CHD8: variants seen among roughly 807,000 people sequenced by gnomAD.
CHD8 encodes chromodomain helicase DNA binding protein 8, also known as ATP-dependent chromatin remodeler CHD8.
Under a neutral mutation model 279.2 loss-of-function variants are expected in CHD8, and 31 were observed. The ratio of observed to expected loss-of-function variants is 0.11; its 90% CI spans 0.08 to 0.15. The LOEUF is 0.15. Among genes scored for constraint, CHD8 ranks in the 10% least tolerant of loss-of-function variants. The pLI, the probability that CHD8 is intolerant of heterozygous loss-of-function variation, is 1.00. For synonymous variants in CHD8, 1,081 were observed against 1,139.6 expected (o/e 0.95, Z 1.04); for missense variants, 2,146 against 3,230.5 (o/e 0.66, Z 8.14).
At chr14:21,410,972 T>C (rs1888468242) in intron 10 of CHD8, among the ~76,000 whole-genome samples, 2 of 152,212 alleles carry the variant, frequency 1.3e-5, no homozygotes, top group South Asian at 2.1e-4. Context: ...TAATATAAAA[T>C]GGATGACAAA....
At chr14:21,411,681 T>C (rs1888498396) in intron 10 of CHD8, among the ~76,000 whole-genome samples, 1 of 151,928 alleles carries the variant, frequency 6.6e-6, no homozygotes, top group Non-Finnish European at 1.5e-5. Context: ...TCTAAGAAAA[T>C]GATGGTTTAT....
At chr14:21,447,183 T>C (rs192549003) in intron 1 of CHD8, among the ~76,000 whole-genome samples, 2 of 152,326 alleles carry the variant, frequency 1.3e-5, no homozygotes, top group Non-Finnish European at 2.9e-5. Context: ...TTAGTAGCTG[T>C]AGCAGACACA....
At chr14:21,386,606 G>C (rs1042759567) in intron 37 of CHD8, among the ~76,000 whole-genome samples, 1 of 152,332 alleles carries the variant, frequency 6.6e-6, no homozygotes, top group Non-Finnish European at 1.5e-5. Context: ...GGGAGGCCGA[G>C]GCGGGGGAAT....
intron 7 of CHD8, 22 bp downstream of exon 7, chr14:21,415,552 A>G: frequency 8.6e-7 from 1 of 1,161,646 alleles, no homozygotes; most frequent in Non-Finnish European, 1.1e-6. Flanking sequence ...TAAAAATAAT[A>G]ATAATAATAA....
At chr14:21,398,106 C>T (rs1354588881) in intron 26 of CHD8, 154 bp from the exon 27 acceptor site, 1 of 608,474 alleles carries the variant, frequency 1.6e-6, no homozygotes, top group African/African-American at 1.9e-5. Context: ...GGGTTTATTA[C>T]TATATTTAAC....
chr14:21,402,389 A>G lies in CHD8; in HGVS notation c.3829T>C (p.Leu1277=), dbSNP rs776731707. ...ATGGATTGAAGCACAGCCTTATCCA[A>G]CCCCAACTTGAGGCTGGCCTTATCA... ...MFDKASLKLG[L]DKAVLQSMSG... is the part of the protein sequence containing the mutation. The change falls in exon 19 of 38, where the codon TTG becomes CTG. Residue 1277 remains leucine, a synonymous_variant. Transcript: ENST00000646647. The surrounding 1 kb of genome is among the most constrained non-coding windows in gnomAD (Gnocchi z 4.5). 6 of 1,614,056 alleles carry G rather than the reference A, an allele frequency of 3.7e-6. No homozygotes were observed. The highest frequency in any genetic ancestry group is 5.1e-6 in the Non-Finnish European group (6 of 1,179,936).
Position 21,437,207 on chromosome 14 carries a change from G to C in CHD8, c.-215-5349C>G, listed in dbSNP as rs550628623. 62 of 1,181,024 alleles carry C rather than the reference G, an allele frequency of 5.2e-5. No homozygotes were observed. The African/African-American group carries it at 9.6e-4, about 18-fold the overall frequency. 73.2% of individuals were successfully genotyped at this position (1,181,024 alleles called of 1,614,324 possible). ...AGGTGGCTTTACCTGCAGTGGCTGT[G>C]GGGGGCCGGTTCGCCCCTCTCCCTG... On this transcript the variant is annotated intron_variant, in intron 1 of 37. Transcript: ENST00000646647.
Position 21,385,304 on chromosome 14 carries a change from G to A in CHD8, c.*309C>T. 8.5e-6 allele frequency: 3 copies of A among 351,236 alleles called. No homozygotes were observed. The allele number at this position is 351,236 out of a possible 1,614,324, so 21.8% of individuals were successfully genotyped here. On this transcript the variant is annotated 3_prime_UTR_variant, in exon 38 of 38. Coordinates refer to ENST00000646647, the MANE Select transcript of CHD8 (RefSeq NM_001170629.2). The stretch of plus-strand genomic sequence containing the variant: ...CAGGAACAGGCTCTGCCAGAGGCTA[G>A]GGCCAGCGCTACATAGTCTGTGGTT...
intron 30 of CHD8, 31 bp from the exon 31 acceptor site, chr14:21,394,516 C>T (rs768279326): frequency 8.1e-6 from 11 of 1,360,850 alleles, no homozygotes; most frequent in Non-Finnish European, 1.0e-5. Context: ...CAACAATAAT[C>T]AGAAGAACAC....
chr14:21,401,877 T>G (rs1256926799), intron 20 of CHD8, 80 bp downstream of exon 20: 7 of 1,344,298 alleles, frequency 5.2e-6, no homozygotes, highest in African/African-American at 1.5e-5. Flanking sequence ...TGAGCCACCA[T>G]CCCCAGCATA....
At chr14:21,436,976 C>T (rs529042054) in intron 1 of CHD8, 1 of 1,277,456 alleles carries the variant, frequency 7.8e-7, no homozygotes, top group African/African-American at 1.6e-5. Flanking sequence ...CTGGAGACCC[C>T]AAAATGGAAA....
rs1298640745 is a variant in CHD8 at position 21,408,116 on chromosome 14, C to T, written c.2730+196G>A. 1.3e-5 allele frequency among the ~76,000 whole-genome samples: 2 copies of T among 152,032 alleles called. No individual in the cohort carries two copies. Among genetic ancestry groups the T allele is most frequent in the Non-Finnish European group, 2.9e-5 (2 of 67,998 alleles). ...GAACTTCTACCAGATCAAATGTCTA[C>T]TAGGTAAAAAAAATAGCAAAGTCAA... On this transcript the variant is annotated intron_variant, in intron 13 of 37. Transcript: ENST00000646647. The surrounding 1 kb of genome is among the most constrained non-coding windows in gnomAD (Gnocchi z 4.3).
In CHD8 at chr14:21,403,761, G is replaced by C; in HGVS notation, c.3308-98C>G. The C allele has an allele frequency of 9.8e-7, 1 of 1,023,506 alleles. No individual in the cohort carries two copies. The allele number at this position is 1,023,506 out of a possible 1,614,324, so 63.4% of individuals were successfully genotyped here. Reference sequence around the variant, plus strand: ...AAGCAAAAGGAAAAAAATGTAATTTGACTTAAGACCAACATTTCTCACACA... The same window carrying C: ...AAGCAAAAGGAAAAAAATGTAATTTCACTTAAGACCAACATTTCTCACACA... On this transcript the variant is annotated intron_variant, in intron 16 of 37. Transcript: ENST00000646647. This position sits in a 1 kb window ranked among gnomAD's most constrained non-coding sequence, Gnocchi z 4.3.
At position 21,400,387 on chromosome 14, in the gene CHD8, A is replaced by C. The variant is rs1460718201; in HGVS notation, c.4570+26T>G. 6.3e-7 allele frequency: 1 copy of C among 1,597,622 alleles called. No homozygotes were observed. The highest frequency in any genetic ancestry group is 8.5e-7 in the Non-Finnish European group (1 of 1,174,934). The stretch of plus-strand genomic sequence containing the variant: ...AAGGATTAGATTAACCTATAGAAAA[A>C]CATAAAGTAAAGAGTTGATAATTAC... On this transcript the variant is annotated intron_variant, in intron 23 of 37. Coordinates refer to ENST00000646647, the MANE Select transcript of CHD8 (RefSeq NM_001170629.2). The surrounding 1 kb of genome is among the most constrained non-coding windows in gnomAD (Gnocchi z 4.2).
At chr14:21,410,646 A>G (rs1355732053) in intron 10 of CHD8, among the ~76,000 whole-genome samples, 3 of 152,236 alleles carry the variant, frequency 2.0e-5, no homozygotes, top group African/African-American at 4.8e-5. Flanking sequence ...AATGGCTCCT[A>G]TTTTCACTAT....
chr14:21,405,405 A>G lies in CHD8; in HGVS notation c.3111T>C (p.Val1037=). Residue 1037 remains valine, a synonymous_variant, in exon 16 of 38, where the codon GTT becomes GTC. Coordinates refer to ENST00000646647, the MANE Select transcript of CHD8 (RefSeq NM_001170629.2). This position sits in a 1 kb window ranked among gnomAD's most constrained non-coding sequence, Gnocchi z 4.2. ...PMMLRRLKED[V]EKNLAPKQET... ...CCTGTTTGGGTGCCAAGTTTTTTTC[A>G]ACATCCTCTTTGAGTCTTCTCAGCA... 2.5e-6 allele frequency: 4 copies of G among 1,600,184 alleles called. No individual in the cohort carries two copies. Among genetic ancestry groups the G allele is most frequent in the Non-Finnish European group, 3.4e-6 (4 of 1,172,482 alleles).
chr14:21,408,087 A>ATGAATAAAT lies in CHD8; in HGVS notation c.2730+224_2730+225insATTTATTCA, dbSNP rs1888329948. On this transcript the variant is annotated intron_variant, in intron 13 of 37. Coordinates refer to ENST00000646647, the MANE Select transcript of CHD8 (RefSeq NM_001170629.2). This position sits in a 1 kb window ranked among gnomAD's most constrained non-coding sequence, Gnocchi z 4.3. ...TAAAATGTGTATGTTCATAAATAAA[A>ATGAATAAAT]TCAGAACTTCTACCAGATCAAATGT... Among the ~76,000 whole-genome samples, 1 of 152,208 alleles carries ATGAATAAAT rather than the reference A, an allele frequency of 6.6e-6. No homozygotes were observed. Among genetic ancestry groups the ATGAATAAAT allele is most frequent in the South Asian group, 2.1e-4 (1 of 4,832 alleles).
chr14:21,395,248 C>A (rs764394632), intron 29 of CHD8, 50 bp downstream of exon 29: 6 of 1,545,514 alleles, frequency 3.9e-6, no homozygotes, highest in Admixed American at 1.8e-5. Context: ...TGAATAATTC[C>A]CCAACCCACC....
intron 5 of CHD8, among the ~76,000 whole-genome samples, chr14:21,419,378 G>A (rs1296734138): frequency 1.3e-5 from 2 of 152,138 alleles, no homozygotes; most frequent in Non-Finnish European, 2.9e-5. Context: ...GAGCAACATG[G>A]TGAAACCCCG....
Sources: gnomAD v4.1 joint callset for allele counts (sites outside exome capture counted in the v4.1 genomes callset) on GRCh38, gnomAD v4.1.1 for gene constraint, Gnocchi (gnomAD v3.1) non-coding constraint, MANE v1.5 for transcripts, NCBI Gene and HGNC (gene_info 2026-07-23, HGNC 2026-07-21) for gene names.